ERCC5: variants seen among roughly 807,000 people sequenced by gnomAD.
The protein encoded by ERCC5 is ERCC excision repair 5, endonuclease, also known as DNA excision repair protein ERCC-5.
ERCC5 carries 68 observed loss-of-function variants against 105.6 expected under a neutral mutation model. That is an observed-to-expected ratio of 0.64 (90% CI 0.53 to 0.79). The LOEUF is 0.79. Among genes scored for constraint, ERCC5 ranks in the 30% least tolerant of loss-of-function variants. The pLI is 0.00. For missense variants in ERCC5, 1,373 were observed against 1,426.7 expected, an observed-to-expected ratio of 0.96 and a Z score of 0.61; for synonymous variants, 546 against 526.2, an observed-to-expected ratio of 1.04 and a Z score of -0.51.
At position 102,854,314 on chromosome 13, in the gene ERCC5, A is replaced by G. The variant is rs1445898870; in HGVS notation, c.407A>G (p.Gln136Arg). Residue 136 changes from glutamine (Q) to arginine (R), a missense_variant, in exon 4 of 15, where the codon CAA becomes CGA. Gln to Arg is a conservative substitution (Grantham distance 43). This residue lies in a region of ERCC5 where 1,004 missense variants were observed against 1,059.7 expected (regional missense o/e 0.95). Transcript: ENST00000652225. ...KRDEALPSLTQVRRENDLYVL... is the reference protein window; with the variant it reads ...KRDEALPSLTRVRRENDLYVL... ...GATGAAGCACTACCCAGTCTTACCC[A>G]AGTTCGAAGAGAAAACGACCTCTAT... 1 of 1,614,216 alleles carries G rather than the reference A, an allele frequency of 6.2e-7. No individual in the cohort carries two copies. The highest frequency in any genetic ancestry group is 8.5e-7 in the Non-Finnish European group (1 of 1,180,038).
At chr13:102,868,565 C>G (rs1170009240) in intron 12 of ERCC5, among the ~76,000 whole-genome samples, 1 of 152,238 alleles carries the variant, frequency 6.6e-6, no homozygotes, top group Non-Finnish European at 1.5e-5. Context: ...AGACACTGTG[C>G]TGGCCCTGGG....
At chr13:102,849,195 G>GT in intron 1 of ERCC5, 1 of 518,984 alleles carries the variant, frequency 1.9e-6, no homozygotes, top group Non-Finnish European at 3.8e-6. Context: ...CCTCTGAGAT[G>GT]TATCTTTTAT....
rs775850469 is a variant in ERCC5 at position 102,862,456 on chromosome 13, A to T, written c.1307A>T (p.Asp436Val). 6.2e-6 allele frequency: 10 copies of T among 1,614,136 alleles called. No homozygotes were observed. The African/African-American group carries it at 1.1e-4, about 17-fold the overall frequency. The change falls in exon 8 of 15, where the codon GAT becomes GTT. Residue 436 changes from aspartate (D) to valine (V), a missense_variant. Physicochemically the swap from Asp to Val is radical, Grantham distance 152 (BLOSUM62 -3). Around this residue, in one of 3 missense-constraint regions of ERCC5, gnomAD observed 1,004 missense variants for 1,059.7 expected, o/e 0.95. Transcript: ENST00000652225. ...AGTGATGAAGGACTTAAAGTGAGAG[A>T]TGGAAAAGGAATACCGTTTACTGCA... ...ENSDEGLKVR[D>V]GKGIPFTATL...
chr13:102,864,643 T>C (rs192141749), intron 8 of ERCC5: 1 of 152,258 alleles, frequency 6.6e-6, no homozygotes, highest in African/African-American at 2.4e-5. Context: ...ATGTTGTACT[T>C]TCTCTGCCCT....
At chr13:102,849,417 G>C (rs1167949600) in intron 1 of ERCC5, 2 of 519,024 alleles carry the variant, frequency 3.9e-6, no homozygotes, top group East Asian at 1.1e-4. Context: ...GACCGTCTCT[G>C]TTTTGTTCAT....
chr13:102,860,011 T>C (rs1346294712), intron 6 of ERCC5, among the ~76,000 whole-genome samples: 1 of 152,202 alleles, frequency 6.6e-6, no homozygotes, highest in Non-Finnish European at 1.5e-5. Context: ...GGAACGTGAA[T>C]CCTCCCTTTG....
intron 9 of ERCC5, 130 bp from the exon 10 acceptor site, chr13:102,866,132 C>A: frequency 2.7e-6 from 4 of 1,475,796 alleles, no homozygotes; most frequent in South Asian, 1.2e-5. Context: ...CTTGGTTAGA[C>A]ATCCAGTGGA....
chr13:102,855,233 C>T (rs1882365681), intron 4 of ERCC5, among the ~76,000 whole-genome samples: 1 of 152,044 alleles, frequency 6.6e-6, no homozygotes, highest in Non-Finnish European at 1.5e-5. Context: ...AAAACACTTT[C>T]TAGCTTCTCC....
chr13:102,866,256 T>C lies in ERCC5; in HGVS notation c.2200-6T>C. The C allele has an allele frequency of 6.2e-7, 1 of 1,614,008 alleles. No individual in the cohort carries two copies. Among genetic ancestry groups the C allele is most frequent in the Non-Finnish European group, 8.5e-7 (1 of 1,179,976 alleles). ...ATAAATCTATAAATGAAAAAACATT[T>C]TATAGGAGGAGTTGGAAACTCTGGA... On this transcript the variant is annotated splice_polypyrimidine_tract_variant and splice_region_variant and intron_variant, in intron 9 of 14. Coordinates refer to ENST00000652225, the MANE Select transcript of ERCC5 (RefSeq NM_000123.4).
At position 102,865,963 on chromosome 13, in the gene ERCC5, T is replaced by C. The variant is rs762618965; in HGVS notation, c.2199+52T>C. The C allele has an allele frequency of 1.9e-6, 3 of 1,613,236 alleles. No homozygotes were observed. Among genetic ancestry groups the C allele is most frequent in the Admixed American group, 3.3e-5 (2 of 60,014 alleles). The stretch of plus-strand genomic sequence containing the variant: ...TTCTTGCTGAGGAAGCCAGGTTAAG[T>C]AGGTTTTGAGTTTTAAGGAGTTGGT... On this transcript the variant is annotated intron_variant, in intron 9 of 14. Coordinates refer to ENST00000652225, the MANE Select transcript of ERCC5 (RefSeq NM_000123.4). This position sits in a 1 kb window ranked among gnomAD's most constrained non-coding sequence, Gnocchi z 4.0.
intron 6 of ERCC5, among the ~76,000 whole-genome samples, chr13:102,860,672 A>G (rs1882585911): frequency 6.6e-6 from 1 of 152,330 alleles, no homozygotes; most frequent in South Asian, 2.1e-4. Flanking sequence ...CAATTTCTTC[A>G]TTTATAAAAT....
Position 102,866,865 on chromosome 13 carries a change from T to C in ERCC5, c.2533+20T>C. On this transcript the variant is annotated intron_variant, in intron 11 of 14. Transcript: ENST00000652225. ...AATTGGGTAAGACTTCAGAGTCTTT[T>C]TGATTACTTTCTGACATTTACCTTC... The C allele has an allele frequency of 6.3e-7, 1 of 1,589,412 alleles. No individual in the cohort carries two copies. Among genetic ancestry groups the C allele is most frequent in the East Asian group, 2.3e-5 (1 of 43,730 alleles).
chr13:102,865,363 TTTAAAACAA>T lies in ERCC5; in HGVS notation c.1955-302_1955-294del. 2 of 365,488 alleles carry T rather than the reference TTTAAAACAA, an allele frequency of 5.5e-6. No individual in the cohort carries two copies. The highest frequency in any genetic ancestry group is 1.0e-5 in the Non-Finnish European group (2 of 191,692). The allele number at this position is 365,488 out of a possible 1,614,324, so 22.6% of individuals were successfully genotyped here. ...CTTTGATAATCCTCCTTTTTGAATT[TTTAAAACAA>T]TGTCAGTTAACTTAGAACATATTTA... On this transcript the variant is annotated intron_variant, in intron 8 of 14. Coordinates refer to ENST00000652225, the MANE Select transcript of ERCC5 (RefSeq NM_000123.4). The surrounding 1 kb of genome is among the most constrained non-coding windows in gnomAD (Gnocchi z 4.0).
chr13:102,859,330 A>C (rs986504529), intron 6 of ERCC5, among the ~76,000 whole-genome samples: 1 of 152,258 alleles, frequency 6.6e-6, no homozygotes, highest in Non-Finnish European at 1.5e-5. Flanking sequence ...AGAAATATGA[A>C]AAAGGAAGGG....
chr13:102,875,723 A>C lies in ERCC5; in HGVS notation c.3381A>C (p.Ser1127=). ...CGAAAGAGCCAAAAACCAGTGCTTC[A>C]GATTCGCAGAACTCAGTGAAGGAAG... ...TAAKEPKTSA[S]DSQNSVKEAP... The change falls in exon 15 of 15, where the codon TCA becomes TCC. Residue 1127 remains serine (S), a synonymous_variant. Coordinates refer to ENST00000652225, the MANE Select transcript of ERCC5 (RefSeq NM_000123.4). 1 of 1,614,198 alleles carries C rather than the reference A, an allele frequency of 6.2e-7. No homozygotes were observed. The highest frequency in any genetic ancestry group is 8.5e-7 in the Non-Finnish European group (1 of 1,180,022).
chr13:102,862,584 G>A lies in ERCC5; in HGVS notation c.1435G>A (p.Val479Ile), dbSNP rs757867311. The change falls in exon 8 of 15, where the codon GTT becomes ATT. Residue 479 changes from valine to isoleucine, a missense_variant. By Grantham distance (29) the Val-to-Ile change is conservative. This residue lies in a region of ERCC5 where 1,004 missense variants were observed against 1,059.7 expected (regional missense o/e 0.95). Transcript: ENST00000652225. The stretch of plus-strand genomic sequence containing the variant: ...AGTTCCAAAAGAACAAATGTCACTT[G>A]TTCACGTGGGGACTGAAGCCTTTCC... ...DSVPKEQMSL[V>I]HVGTEAFPIS... is the part of the protein sequence containing the mutation. 1.2e-6 allele frequency: 2 copies of A among 1,614,166 alleles called. No individual in the cohort carries two copies. Among genetic ancestry groups the A allele is most frequent in the Non-Finnish European group, 1.7e-6 (2 of 1,180,040 alleles).
At chr13:102,846,834 T>C (rs893543167) in intron 1 of ERCC5, among the ~76,000 whole-genome samples, 1 of 152,250 alleles carries the variant, frequency 6.6e-6, no homozygotes, top group East Asian at 1.9e-4. Flanking sequence ...CCCTGTCTGC[T>C]TTCCCCAGCT....
chr13:102,860,439 G>A (rs1179068668), intron 6 of ERCC5, among the ~76,000 whole-genome samples: 1 of 152,134 alleles, frequency 6.6e-6, no homozygotes, highest in East Asian at 1.9e-4. Flanking sequence ...TACATTTTGG[G>A]GTGGAAGACA....
At chr13:102,859,745 G>T (rs1305773988) in intron 6 of ERCC5, among the ~76,000 whole-genome samples, 1 of 152,106 alleles carries the variant, frequency 6.6e-6, no homozygotes, top group African/African-American at 2.4e-5. Context: ...TCCATGTTGG[G>T]CCTTTGTGTG....
Sources: gnomAD v4.1 joint callset for allele counts (sites outside exome capture counted in the v4.1 genomes callset) on GRCh38, gnomAD v4.1.1 for gene constraint, gnomAD v4.1.1 regional missense constraint, Gnocchi (gnomAD v3.1) non-coding constraint, MANE v1.5 for transcripts, NCBI Gene and HGNC (gene_info 2026-07-23, HGNC 2026-07-21) for gene names.